DSCAML1: variants seen among roughly 807,000 people sequenced by gnomAD.
The protein encoded by DSCAML1 is DS cell adhesion molecule like 1.
A neutral mutation model predicts 200.5 loss-of-function variants in DSCAML1; 38 were observed. The ratio of observed to expected loss-of-function variants is 0.19; its 90% CI spans 0.15 to 0.25. The LOEUF (loss-of-function observed/expected upper bound fraction) is 0.25, where lower values mean the gene tolerates loss of function less well. Ranked by LOEUF, DSCAML1 falls within the 10% of genes least tolerant of loss-of-function variation. The pLI, the probability that DSCAML1 is intolerant of heterozygous loss-of-function variation, is 1.00. For missense variants in DSCAML1, 2,223 were observed against 2,858.8 expected, an observed-to-expected ratio of 0.78 and a Z score of 5.07; for synonymous variants, 1,215 against 1,165.0, an observed-to-expected ratio of 1.04 and a Z score of -0.87.
intron 3 of DSCAML1, among the ~76,000 whole-genome samples, chr11:117,744,405 C>G (rs560629786): frequency 6.6e-6 from 1 of 152,348 alleles, no homozygotes; most frequent in South Asian, 2.1e-4. Context: ...GGGCCTGAGA[C>G]CCTGCATTGC....
At chr11:117,591,658 T>A (rs919403460) in intron 3 of DSCAML1, among the ~76,000 whole-genome samples, 16 of 152,226 alleles carry the variant, frequency 1.1e-4, no homozygotes, top group Admixed American at 2.6e-4. Context: ...GTCCTCTTCA[T>A]AAATTATCCC....
At chr11:117,698,998 A>T (rs1737047803) in intron 3 of DSCAML1, among the ~76,000 whole-genome samples, 1 of 152,218 alleles carries the variant, frequency 6.6e-6, no homozygotes, top group Non-Finnish European at 1.5e-5. Flanking sequence ...CTGTAATATT[A>T]CCCGGAAGAG....
intron 14 of DSCAML1, among the ~76,000 whole-genome samples, chr11:117,478,463 A>T (rs982797303): frequency 1.3e-5 from 2 of 152,150 alleles, no homozygotes; most frequent in Non-Finnish European, 2.9e-5. Context: ...GCCTCATCAC[A>T]TATCCCCAGC....
intron 1 of DSCAML1, among the ~76,000 whole-genome samples, chr11:117,807,671 T>C (rs1039770496): frequency 1.3e-5 from 2 of 152,200 alleles, no homozygotes; most frequent in African/African-American, 4.8e-5. Flanking sequence ...CCAGCAGGTG[T>C]CGCCCAAAGA....
chr11:117,722,806 G>A (rs1018676723), intron 3 of DSCAML1, among the ~76,000 whole-genome samples: 2 of 152,134 alleles, frequency 1.3e-5, no homozygotes, highest in Non-Finnish European at 2.9e-5. Context: ...TTTCAGATAT[G>A]TTGCTGACAA....
intron 3 of DSCAML1, among the ~76,000 whole-genome samples, chr11:117,610,266 C>A (rs1591319651): frequency 6.6e-6 from 1 of 152,196 alleles, no homozygotes; most frequent in African/African-American, 2.4e-5. Flanking sequence ...ACCAGTTCCT[C>A]CCGCCCCCTT....
intron 3 of DSCAML1, among the ~76,000 whole-genome samples, chr11:117,540,464 A>C (rs962286922): frequency 5.9e-5 from 9 of 152,182 alleles, no homozygotes; most frequent in African/African-American, 2.2e-4. Flanking sequence ...GTTTAAAGGG[A>C]ATGGAGTTTC....
At chr11:117,448,753 C>T (rs912171209) in intron 20 of DSCAML1, among the ~76,000 whole-genome samples, 2 of 152,124 alleles carry the variant, frequency 1.3e-5, no homozygotes, top group African/African-American at 4.8e-5. Context: ...GAACTCTTAT[C>T]CCCTGTGAGT....
chr11:117,504,858 C>A lies in DSCAML1; in HGVS notation c.2182+66G>T. On this transcript the variant is annotated intron_variant, in intron 10 of 32. Transcript: ENST00000651296. This position sits in a 1 kb window ranked among gnomAD's most constrained non-coding sequence, Gnocchi z 5.0. ...TGCCTGCATGGAACAGGTTCAAATC[C>A]CACAGAGCATCCTCCGTTCCCCGTC... 6.5e-7 allele frequency: 1 copy of A among 1,538,748 alleles called. No homozygotes were observed. Among genetic ancestry groups the A allele is most frequent in the South Asian group, 1.3e-5 (1 of 76,330 alleles).
chr11:117,644,104 C>T (rs1345653138), intron 3 of DSCAML1, among the ~76,000 whole-genome samples: 1 of 152,186 alleles, frequency 6.6e-6, no homozygotes, highest in African/African-American at 2.4e-5. Context: ...GGAAGGGGCC[C>T]GTGATGAAGT....
Position 117,516,645 on chromosome 11 carries a change from G to T in DSCAML1, c.1605C>A (p.Ser535=), listed in dbSNP as rs2049773223. 1 of 1,613,956 alleles carries T rather than the reference G, an allele frequency of 6.2e-7. No homozygotes were observed. The highest frequency in any genetic ancestry group is 1.1e-5 in the South Asian group (1 of 91,060). ...NCRVIGYPYY[S]IKWYKDALLL... ...GCAGGGCATCCTTGTACCACTTGAT[G>T]GAGTAGTAGGGATAGCCGATGACCC... is the stretch of plus-strand genomic sequence containing the variant. Residue 535 remains serine (S), a synonymous_variant, in exon 8 of 33, where the codon TCC becomes TCA. Transcript: ENST00000651296. This position sits in a 1 kb window ranked among gnomAD's most constrained non-coding sequence, Gnocchi z 5.7.
In DSCAML1 at chr11:117,646,545, T is replaced by C. The variant is rs370991782; in HGVS notation, c.512-114023A>G. Among the ~76,000 whole-genome samples the C allele has an allele frequency of 1.9e-4, 29 of 152,302 alleles. No individual in the cohort carries two copies. In the East Asian group the frequency reaches 2.7e-3, roughly 14 times the overall value. Reference sequence around the variant, plus strand: ...GCTGTTTCTTACCTCTTAGCTTTATTTAGCATCTACTATGTGCACCTGCCA... The same window carrying C: ...GCTGTTTCTTACCTCTTAGCTTTATCTAGCATCTACTATGTGCACCTGCCA... On this transcript the variant is annotated intron_variant, in intron 3 of 32. Coordinates refer to ENST00000651296, the MANE Select transcript of DSCAML1 (RefSeq NM_020693.4).
intron 1 of DSCAML1, among the ~76,000 whole-genome samples, chr11:117,809,650 C>A (rs2055739877): frequency 1.3e-5 from 2 of 152,200 alleles, no homozygotes; most frequent in Non-Finnish European, 2.9e-5. Context: ...TGTGTCCTTG[C>A]CAGCCTCTAA....
chr11:117,745,664 C>T (rs539797549), intron 3 of DSCAML1, among the ~76,000 whole-genome samples: 3 of 152,182 alleles, frequency 2.0e-5, no homozygotes, highest in Non-Finnish European at 2.9e-5. Context: ...GGCTCCCTCC[C>T]TTCACAGGCC....
chr11:117,629,039 C>T (rs1327292237), intron 3 of DSCAML1, among the ~76,000 whole-genome samples: 1 of 152,142 alleles, frequency 6.6e-6, no homozygotes, highest in East Asian at 1.9e-4. Context: ...GGCATCAGAG[C>T]CAGCAGGCCC....
chr11:117,461,628 A>C (rs1224280840), intron 17 of DSCAML1, 32 bp from the exon 18 acceptor site: 1 of 1,599,044 alleles, frequency 6.3e-7, no homozygotes, highest in Non-Finnish European at 8.5e-7. Context: ...CCAAGGGTCC[A>C]GTCAGTCATG....
At chr11:117,442,124 T>C (rs1049757204) in intron 21 of DSCAML1, among the ~76,000 whole-genome samples, 1 of 151,474 alleles carries the variant, frequency 6.6e-6, no homozygotes, top group African/African-American at 2.4e-5. Flanking sequence ...TATGTGAGTG[T>C]GCACGTGTAT....
chr11:117,573,065 C>T (rs1025052847), intron 3 of DSCAML1, among the ~76,000 whole-genome samples: 2 of 152,284 alleles, frequency 1.3e-5, no homozygotes, highest in East Asian at 3.9e-4. Flanking sequence ...TTTTACCTTC[C>T]CCTTCTCCAA....
intron 3 of DSCAML1, among the ~76,000 whole-genome samples, chr11:117,600,416 C>T (rs2051443740): frequency 6.6e-6 from 1 of 152,194 alleles, no homozygotes; most frequent in Non-Finnish European, 1.5e-5. Context: ...CACTCTGGAT[C>T]ATGTCGGGGA....
Sources: gnomAD v4.1 joint callset for allele counts (sites outside exome capture counted in the v4.1 genomes callset) on GRCh38, gnomAD v4.1.1 for gene constraint, Gnocchi (gnomAD v3.1) non-coding constraint, MANE v1.5 for transcripts, NCBI Gene and HGNC (gene_info 2026-07-23, HGNC 2026-07-21) for gene names.